Variants in SNRNP40 observed in about 807,000 individuals in gnomAD.
SNRNP40 encodes the protein U5 small nuclear ribonucleoprotein 40 kDa protein.
A neutral mutation model predicts 45.8 loss-of-function variants in SNRNP40; 21 were observed. The ratio of observed to expected loss-of-function variants is 0.46; its 90% CI spans 0.32 to 0.66. The LOEUF (loss-of-function observed/expected upper bound fraction) is 0.66. SNRNP40 is among the 30% of genes least tolerant of loss of function. The pLI is 0.03. For synonymous variants in SNRNP40, 142 were observed against 163.8 expected (o/e 0.87, Z 1.01); for missense variants, 344 against 439.1 (o/e 0.78, Z 1.94).
chr1:31,265,701 G>A (rs12075122), intron 8 of SNRNP40, among the ~76,000 whole-genome samples: 8,524 of 152,140 alleles, frequency 0.056, 466 homozygotes, highest in East Asian at 0.21. Context: ...CTAGCCAGGC[G>A]TGGTAGCGGG....
rs1389992979 is a variant in SNRNP40 at position 31,271,519 on chromosome 1, C to T, written c.655-20G>A. On this transcript the variant is annotated intron_variant, in intron 5 of 9. Transcript: ENST00000263694. ...CCAGACCTGCAAAAACAGAAAGGTG[C>T]CCCCAGAAATCAAATTAATAAAAGC... 1 of 1,590,754 alleles carries T rather than the reference C, an allele frequency of 6.3e-7. No homozygotes were observed. The highest frequency in any genetic ancestry group is 1.9e-5 in the Admixed American group (1 of 52,910).
chr1:31,280,113 C>CAAAAA (rs577919252), intron 5 of SNRNP40, among the ~76,000 whole-genome samples: 3 of 67,632 alleles, frequency 4.4e-5, no homozygotes, highest in African/African-American at 1.2e-4. Flanking sequence ...GACTCTGACT[C>CAAAAA]AAAAAAAAAA....
At chr1:31,293,413 G>C in intron 1 of SNRNP40, 65 bp from the exon 2 acceptor site, 1 of 1,490,420 alleles carries the variant, frequency 6.7e-7, no homozygotes, top group Non-Finnish European at 9.0e-7. Flanking sequence ...AAATTAGGGG[G>C]TGGGGAGTGG....
At position 31,259,716 on chromosome 1, in the gene SNRNP40, T is replaced by C. The variant is rs774236640; in HGVS notation, c.*356A>G. On this transcript the variant is annotated 3_prime_UTR_variant, in exon 10 of 10. Transcript: ENST00000263694. ...ATTTGGCTTTTAATACAAAATGATA[T>C]AGAGAAATACAGAAAGAAAATATCA... The C allele has an allele frequency of 1.5e-5, 6 of 395,326 alleles. No individual in the cohort carries two copies. Among genetic ancestry groups the C allele is most frequent in the South Asian group, 3.6e-5 (2 of 55,806 alleles). 24.5% of individuals were successfully genotyped at this position (395,326 alleles called of 1,614,324 possible). A position where few individuals can be genotyped will look rare whatever the true frequency, so the allele number is the denominator to read the frequency against.
At position 31,259,820 on chromosome 1, in the gene SNRNP40, A is replaced by C; in HGVS notation, c.*252T>G. On this transcript the variant is annotated 3_prime_UTR_variant, in exon 10 of 10. Coordinates refer to ENST00000263694, the MANE Select transcript of SNRNP40 (RefSeq NM_004814.3). The stretch of plus-strand genomic sequence containing the variant: ...TTGGGCCTGCATTAGAAAACAGGAA[A>C]AAAGAAAAAGAAAAAAAAAAACAGT... 1.5e-6 allele frequency: 1 copy of C among 650,640 alleles called. No homozygotes were observed. The highest frequency in any genetic ancestry group is 1.6e-5 in the South Asian group (1 of 62,648). 40.3% of individuals were successfully genotyped at this position (650,640 alleles called of 1,614,324 possible).
intron 4 of SNRNP40, among the ~76,000 whole-genome samples, chr1:31,284,895 TCTC>T (rs1318025538): frequency 4.6e-5 from 7 of 152,130 alleles, no homozygotes; most frequent in African/African-American, 1.4e-4. Context: ...ATGCCCAACA[TCTC>T]CTACTCCCCC....
intron 8 of SNRNP40, among the ~76,000 whole-genome samples, chr1:31,262,390 G>C (rs543292840): frequency 6.6e-6 from 1 of 151,656 alleles, no homozygotes. Flanking sequence ...GAGTGGTAGC[G>C]TGTGCCTGTA....
intron 4 of SNRNP40, among the ~76,000 whole-genome samples, chr1:31,287,930 G>C (rs1646072253): frequency 6.6e-6 from 1 of 152,190 alleles, no homozygotes; most frequent in Non-Finnish European, 1.5e-5. Context: ...CCAGGAGGTA[G>C]AGGTTGCAGT....
At chr1:31,284,727 G>T (rs561168773) in intron 4 of SNRNP40, among the ~76,000 whole-genome samples, 260 of 152,342 alleles carry the variant, frequency 1.7e-3, no homozygotes, top group Non-Finnish European at 2.8e-3. Flanking sequence ...AGTCAACAAG[G>T]AGAGTCTGAG....
intron 9 of SNRNP40, chr1:31,261,186 C>CA (rs35456520): frequency 0.013 from 3,467 of 264,314 alleles, 1 homozygote; most frequent in South Asian, 0.034. Flanking sequence ...ACTAAAAATA[C>CA]AAAAAAAAAA....
At chr1:31,268,346 A>G (rs1377366903) in intron 7 of SNRNP40, among the ~76,000 whole-genome samples, 1 of 149,740 alleles carries the variant, frequency 6.7e-6, no homozygotes, top group African/African-American at 2.5e-5. Context: ...ACAGTGGCAC[A>G]ATCATAGCTC....
chr1:31,296,584 C>A, intron 1 of SNRNP40, 27 bp downstream of exon 1: 1 of 1,594,800 alleles, frequency 6.3e-7, no homozygotes, highest in Non-Finnish European at 8.5e-7. Context: ...GAGCTGAGGG[C>A]CAAAGGCCGC....
At chr1:31,289,631 A>C (rs932745737) in intron 3 of SNRNP40, among the ~76,000 whole-genome samples, 29 of 152,208 alleles carry the variant, frequency 1.9e-4, no homozygotes, top group Non-Finnish European at 3.1e-4. Context: ...ACCCCTGTGA[A>C]GTTTAAAAAA....
intron 5 of SNRNP40, among the ~76,000 whole-genome samples, chr1:31,278,945 C>T (rs1361241008): frequency 6.6e-6 from 1 of 151,974 alleles, no homozygotes; most frequent in African/African-American, 2.4e-5. Context: ...GAAGAAACTA[C>T]CAGATGGATA....
intron 6 of SNRNP40, among the ~76,000 whole-genome samples, chr1:31,270,977 A>T (rs1645933864): frequency 2.0e-5 from 3 of 152,234 alleles, no homozygotes; most frequent in Admixed American, 1.3e-4. Flanking sequence ...GAGGGAAGAC[A>T]GACTGGCAGG....
intron 8 of SNRNP40, among the ~76,000 whole-genome samples, chr1:31,267,217 G>A (rs926878884): frequency 6.6e-6 from 1 of 152,140 alleles, no homozygotes; most frequent in Admixed American, 6.5e-5. Context: ...TGGTGGGGGA[G>A]GTGGGTATTT....
chr1:31,291,383 A>G (rs1646106667), intron 3 of SNRNP40, among the ~76,000 whole-genome samples: 1 of 152,008 alleles, frequency 6.6e-6, no homozygotes, highest in Non-Finnish European at 1.5e-5. Flanking sequence ...AAAAGAAATG[A>G]TTTTTATAAT....
At chr1:31,261,662 G>A (rs1194436940) in intron 8 of SNRNP40, 30 bp from the exon 9 acceptor site, 1 of 1,471,596 alleles carries the variant, frequency 6.8e-7, no homozygotes. Flanking sequence ...GCAAGGGTAA[G>A]TCCTCTTAGA....
chr1:31,269,132 A>C, intron 7 of SNRNP40, 26 bp downstream of exon 7: 1 of 1,556,496 alleles, frequency 6.4e-7, no homozygotes, highest in East Asian at 2.3e-5. Flanking sequence ...ATGAACAGTA[A>C]AACTCCTCTG....
Sources: allele counts gnomAD v4.1 joint callset (sites outside exome capture counted in the v4.1 genomes callset), GRCh38; gene constraint gnomAD v4.1.1; transcripts MANE v1.5; gene names NCBI Gene and HGNC (gene_info 2026-07-23, HGNC 2026-07-21).